The following MTSS1 variants were observed in gnomAD, a reference collection of about 807,000 sequenced individuals.
MTSS1 encodes protein MTSS 1.
In MTSS1, 18 loss-of-function variants were observed where a neutral mutation model predicts 79.0. The ratio of observed to expected loss-of-function variants is 0.23; its 90% confidence interval spans 0.16 to 0.34. The LOEUF (loss-of-function observed/expected upper bound fraction) is 0.34, where lower values mean the gene tolerates loss of function less well. MTSS1 is among the 10% of genes least tolerant of loss of function. The pLI, the probability that MTSS1 is intolerant of heterozygous loss-of-function variation, is 1.00. For synonymous variants in MTSS1, 341 were observed against 368.6 expected (o/e 0.93, Z 0.86); for missense variants, 815 against 986.2 (o/e 0.83, Z 2.33).
chr8:124,612,790 T>A (rs889190978), intron 3 of MTSS1, among the ~76,000 whole-genome samples: 39 of 152,140 alleles, frequency 2.6e-4, no homozygotes, highest in African/African-American at 8.2e-4. Context: ...GATTAAGAAC[T>A]GTTGTGTTGG....
chr8:124,716,635 G>T (rs1302735268), intron 1 of MTSS1, among the ~76,000 whole-genome samples: 2 of 152,160 alleles, frequency 1.3e-5, no homozygotes, highest in African/African-American at 4.8e-5. Context: ...TGGAGCCAGG[G>T]AATCTGCATT....
chr8:124,606,541 T>C (rs920966527), intron 3 of MTSS1, among the ~76,000 whole-genome samples: 1 of 152,126 alleles, frequency 6.6e-6, no homozygotes, highest in Non-Finnish European at 1.5e-5. Flanking sequence ...GAATTCAGAA[T>C]TTACATCCAG....
At chr8:124,587,069 G>T (rs1331925112) in intron 5 of MTSS1, among the ~76,000 whole-genome samples, 1 of 152,208 alleles carries the variant, frequency 6.6e-6, no homozygotes, top group African/African-American at 2.4e-5. Flanking sequence ...CCTGCAGGGT[G>T]GTGGGGCCCA....
chr8:124,599,656 T>C (rs1833430135), intron 3 of MTSS1, among the ~76,000 whole-genome samples: 1 of 151,952 alleles, frequency 6.6e-6, no homozygotes, highest in Admixed American at 6.6e-5. Context: ...CTAAAACAGA[T>C]ACACACCAAA....
At chr8:124,600,899 G>T (rs545998126) in intron 3 of MTSS1, among the ~76,000 whole-genome samples, 1 of 152,182 alleles carries the variant, frequency 6.6e-6, no homozygotes, top group South Asian at 2.1e-4. Flanking sequence ...TCCACAACGT[G>T]GTTATTTAAT....
chr8:124,590,134 C>T (rs375332780), intron 4 of MTSS1, among the ~76,000 whole-genome samples: 192 of 152,302 alleles, frequency 1.3e-3, no homozygotes, highest in African/African-American at 4.1e-3. Flanking sequence ...GGATTACAGG[C>T]GAGAGCCACC....
chr8:124,709,021 A>T (rs1830774977), intron 1 of MTSS1, among the ~76,000 whole-genome samples: 1 of 152,152 alleles, frequency 6.6e-6, no homozygotes, highest in Non-Finnish European at 1.5e-5. Flanking sequence ...AGTTTCTTTC[A>T]AGGAAAAAAG....
chr8:124,578,475 C>CT (rs1829412421), intron 6 of MTSS1, among the ~76,000 whole-genome samples: 1 of 152,014 alleles, frequency 6.6e-6, no homozygotes, highest in African/African-American at 2.4e-5. Context: ...TCCTCTCTGC[C>CT]CCCAGGTTAC....
chr8:124,622,962 A>G lies in MTSS1; in HGVS notation c.209-31727T>C, dbSNP rs560953165. Among the ~76,000 whole-genome samples the G allele has an allele frequency of 2.8e-4, 43 of 152,310 alleles. No individual in the cohort carries two copies. The South Asian group carries it at 7.1e-3, about 25-fold the overall frequency. On this transcript the variant is annotated intron_variant, in intron 3 of 13. Transcript: ENST00000518547. ...CCCGGAAAGTAGGGAGATGGGGCCC[A>G]AGGCAAAGTCAGAGCACAGACGAGC...
In MTSS1 at chr8:124,561,186, T is replaced by C. The variant is rs1403350072; in HGVS notation, c.1035+1596A>G. Among the ~76,000 whole-genome samples, 5 of 152,134 alleles carry C rather than the reference T, an allele frequency of 3.3e-5. No individual in the cohort carries two copies. In the South Asian group the frequency reaches 6.2e-4, roughly 19 times the overall value. On this transcript the variant is annotated intron_variant, in intron 10 of 13. Coordinates refer to ENST00000518547, the MANE Select transcript of MTSS1 (RefSeq NM_014751.6). ...GTGGCTCATGCCTGTAATTCCAGAA[T>C]TTTGGGAGACCGAGGTGGGCGGATC... is the stretch of plus-strand genomic sequence containing the variant.
At chr8:124,616,887 C>A (rs560498443) in intron 3 of MTSS1, among the ~76,000 whole-genome samples, 115 of 152,230 alleles carry the variant, frequency 7.6e-4, no homozygotes, top group African/African-American at 2.6e-3. Flanking sequence ...AAATTTGAAC[C>A]TTTCATTTCA....
intron 3 of MTSS1, among the ~76,000 whole-genome samples, chr8:124,606,854 C>G (rs1834972899): frequency 6.6e-6 from 1 of 152,158 alleles, no homozygotes; most frequent in Non-Finnish European, 1.5e-5. Context: ...CTCCTGCCAG[C>G]TTCCTTTGGC....
chr8:124,632,950 G>A (rs899158110), intron 3 of MTSS1, among the ~76,000 whole-genome samples: 6 of 152,050 alleles, frequency 3.9e-5, no homozygotes, highest in Admixed American at 6.5e-5. Context: ...TTACAGGCAT[G>A]AGCCACCACA....
intron 1 of MTSS1, among the ~76,000 whole-genome samples, chr8:124,708,291 C>G (rs1243949532): frequency 6.6e-6 from 1 of 152,142 alleles, no homozygotes; most frequent in African/African-American, 2.4e-5. Context: ...GTGCAGTGCC[C>G]AGCACACTGG....
rs191321820 is a variant in MTSS1 at position 124,693,929 on chromosome 8, C to T, written c.208+5597G>A. Among the ~76,000 whole-genome samples the T allele has an allele frequency of 1.4e-4, 21 of 152,226 alleles. No individual in the cohort carries two copies. The East Asian group carries it at 4.0e-3, about 29-fold the overall frequency. The stretch of plus-strand genomic sequence containing the variant: ...AAAAAATTACTTGTGATGATCTAGG[C>T]TCCTAGGCCCTTTATAGGTGGGAAA... On this transcript the variant is annotated intron_variant, in intron 3 of 13. Coordinates refer to ENST00000518547, the MANE Select transcript of MTSS1 (RefSeq NM_014751.6).
At chr8:124,675,786 C>T (rs1434227560) in intron 3 of MTSS1, among the ~76,000 whole-genome samples, 3 of 152,208 alleles carry the variant, frequency 2.0e-5, no homozygotes, top group East Asian at 3.8e-4. Context: ...TTCACTAACA[C>T]GTTTGAGGTT....
At chr8:124,647,530 A>G (rs1819213588) in intron 3 of MTSS1, among the ~76,000 whole-genome samples, 2 of 152,152 alleles carry the variant, frequency 1.3e-5, no homozygotes, top group Non-Finnish European at 2.9e-5. Context: ...ATAGATCTCC[A>G]CAACTTATTC....
intron 4 of MTSS1, 72 bp downstream of exon 4, chr8:124,591,079 C>T: frequency 1.6e-6 from 2 of 1,239,694 alleles, no homozygotes; most frequent in South Asian, 1.2e-5. Flanking sequence ...ATGCTGTGTG[C>T]CACACATGAC....
At chr8:124,615,710 A>T (rs962412690) in intron 3 of MTSS1, among the ~76,000 whole-genome samples, 67 of 152,334 alleles carry the variant, frequency 4.4e-4, no homozygotes, top group African/African-American at 1.6e-3. Context: ...TGCACACTCC[A>T]CCACAACTAA....
Sources: allele counts gnomAD v4.1 joint callset (sites outside exome capture counted in the v4.1 genomes callset), GRCh38; gene constraint gnomAD v4.1.1; transcripts MANE v1.5; gene names NCBI Gene and HGNC (gene_info 2026-07-23, HGNC 2026-07-21).